PTPRD: variants seen among roughly 807,000 people sequenced by gnomAD.
The protein encoded by PTPRD is receptor-type tyrosine-protein phosphatase delta.
Under a neutral mutation model 214.5 loss-of-function variants are expected in PTPRD, and 34 were observed. That is an observed-to-expected ratio of 0.16 (90% CI 0.12 to 0.21). The LOEUF (loss-of-function observed/expected upper bound fraction) is 0.21, where lower values mean the gene tolerates loss of function less well. PTPRD is among the 10% of genes least tolerant of loss of function. PTPRD has a pLI of 1.00. For missense variants in PTPRD, 2,545 were observed against 2,398.7 expected (o/e 1.06, Z -1.27); for synonymous variants, 1,128 against 845.7 (o/e 1.33, Z -5.79).
chr9:9,055,498 TA>T (rs1185075687), intron 10 of PTPRD, among the ~76,000 whole-genome samples: 4 of 152,130 alleles, frequency 2.6e-5, no homozygotes, highest in Admixed American at 2.0e-4. Context: ...AATGTTTGAC[TA>T]AATATCCCAG....
chr9:9,223,253 G>A (rs889027683), intron 9 of PTPRD, among the ~76,000 whole-genome samples: 2 of 151,792 alleles, frequency 1.3e-5, no homozygotes, highest in African/African-American at 4.8e-5. Context: ...ATACTTGAGG[G>A]GATTGTACAG....
At chr9:9,669,903 G>A (rs957230157) in intron 7 of PTPRD, among the ~76,000 whole-genome samples, 10 of 152,056 alleles carry the variant, frequency 6.6e-5, no homozygotes, top group Admixed American at 6.6e-4. Context: ...AGCACCCAAT[G>A]ACATCAACGA....
intron 9 of PTPRD, among the ~76,000 whole-genome samples, chr9:9,328,173 G>C (rs2040781561): frequency 6.6e-6 from 1 of 152,054 alleles, no homozygotes; most frequent in African/African-American, 2.4e-5. Flanking sequence ...TAGCAAAAAA[G>C]TTGAGTTTTT....
At chr9:9,387,077 C>A (rs575156740) in intron 9 of PTPRD, among the ~76,000 whole-genome samples, 1 of 152,172 alleles carries the variant, frequency 6.6e-6, no homozygotes, top group Non-Finnish European at 1.5e-5. Flanking sequence ...TTTCCTTTGT[C>A]TTAGCCAGAA....
At chr9:8,771,473 A>G (rs2095208137) in intron 11 of PTPRD, among the ~76,000 whole-genome samples, 1 of 152,172 alleles carries the variant, frequency 6.6e-6, no homozygotes, top group South Asian at 2.1e-4. Context: ...TTCCCACCAA[A>G]AACAGGTGAC....
chr9:9,949,392 G>T (rs1238996949), intron 4 of PTPRD, among the ~76,000 whole-genome samples: 2 of 152,054 alleles, frequency 1.3e-5, no homozygotes, highest in African/African-American at 2.4e-5. Flanking sequence ...CACATTCTAT[G>T]ATGTTTTTTA....
chr9:9,305,697 C>G (rs1225388854), intron 9 of PTPRD, among the ~76,000 whole-genome samples: 1 of 151,744 alleles, frequency 6.6e-6, no homozygotes, highest in Non-Finnish European at 1.5e-5. Flanking sequence ...TGCTCTAAAT[C>G]CAGTGATTAG....
chr9:8,613,055 C>A (rs1307825947), intron 14 of PTPRD, among the ~76,000 whole-genome samples: 1 of 152,064 alleles, frequency 6.6e-6, no homozygotes, highest in Non-Finnish European at 1.5e-5. Context: ...AATAACAAAA[C>A]CCTAACATTT....
intron 3 of PTPRD, among the ~76,000 whole-genome samples, chr9:10,094,346 G>T (rs1229435074): frequency 1.3e-5 from 2 of 151,184 alleles, no homozygotes; most frequent in Non-Finnish European, 3.0e-5. Flanking sequence ...AGAAGAGAAT[G>T]TCCTTAATAT....
rs184081119 is a variant in PTPRD, at chr9:10,044,119, T to A, written c.-544-10329A>T. Among the ~76,000 whole-genome samples the A allele has an allele frequency of 2.0e-5, 3 of 151,884 alleles. No homozygotes were observed. In the East Asian group the frequency reaches 5.8e-4, roughly 29 times the overall value. ...TGTTTCTTGTTCAACACCCTGGCCA[T>A]CTACTGTTGAAGACATCTATAATTC... On this transcript the variant is annotated intron_variant, in intron 3 of 45. Coordinates refer to ENST00000381196, the MANE Select transcript of PTPRD (RefSeq NM_002839.4).
At chr9:10,543,936 TGAAGGTAGAGGAGGGCA>T (rs1372836988) in intron 2 of PTPRD, among the ~76,000 whole-genome samples, 1 of 152,130 alleles carries the variant, frequency 6.6e-6, no homozygotes, top group Non-Finnish European at 1.5e-5. Context: ...GGAGCCTGAT[TGAAGGTAGAGGAGGGCA>T]GCAATAATAT....
chr9:10,337,074 A>G (rs2096856961), intron 3 of PTPRD, among the ~76,000 whole-genome samples: 1 of 151,764 alleles, frequency 6.6e-6, no homozygotes, highest in Non-Finnish European at 1.5e-5. Flanking sequence ...TTGCTTATTT[A>G]ATTTCTAAAA....
chr9:9,653,060 T>TTTACACAAATATTTTTTAAACTGAA (rs2096406774), intron 7 of PTPRD, among the ~76,000 whole-genome samples: 1 of 151,914 alleles, frequency 6.6e-6, no homozygotes, highest in African/African-American at 2.4e-5. Context: ...AAGTGCCTCA[T>TTTACACAAATATTTTTTAAACTGAA]GGCCGGGCGC....
At chr9:8,467,929 T>A (rs1383292279) in intron 31 of PTPRD, among the ~76,000 whole-genome samples, 1 of 151,994 alleles carries the variant, frequency 6.6e-6, no homozygotes, top group Non-Finnish European at 1.5e-5. Flanking sequence ...TTTTTGAAGC[T>A]GGGTAATCAA....
At chr9:9,950,752 A>T (rs2153995653) in intron 4 of PTPRD, among the ~76,000 whole-genome samples, 1 of 33,542 alleles carries the variant, frequency 3.0e-5, no homozygotes, top group Non-Finnish European at 4.1e-5. Context: ...AAAAAAAAAA[A>T]AAAAAAAAGA....
chr9:9,172,553 C>G (rs1280658279), intron 10 of PTPRD, among the ~76,000 whole-genome samples: 1 of 152,078 alleles, frequency 6.6e-6, no homozygotes, highest in Admixed American at 6.6e-5. Flanking sequence ...TATTTGCACT[C>G]TCCTATAATT....
chr9:8,593,711 G>T (rs573319232), intron 14 of PTPRD, among the ~76,000 whole-genome samples: 2 of 152,248 alleles, frequency 1.3e-5, no homozygotes, highest in East Asian at 3.9e-4. Flanking sequence ...GATTTTCAAT[G>T]AAAGAGCTGT....
chr9:9,864,416 T>G (rs2063491751), intron 5 of PTPRD, among the ~76,000 whole-genome samples: 1 of 151,982 alleles, frequency 6.6e-6, no homozygotes, highest in African/African-American at 2.4e-5. Context: ...AGGAAATACA[T>G]GGGGTGTGTG....
chr9:9,011,600 C>G (rs2099512063), intron 11 of PTPRD, among the ~76,000 whole-genome samples: 1 of 152,078 alleles, frequency 6.6e-6, no homozygotes, highest in South Asian at 2.1e-4. Flanking sequence ...ATCCCTATTC[C>G]CTGAAGATTC....
Sources: allele counts gnomAD v4.1 joint callset (sites outside exome capture counted in the v4.1 genomes callset), GRCh38; gene constraint gnomAD v4.1.1; transcripts MANE v1.5; gene names NCBI Gene and HGNC (gene_info 2026-07-23, HGNC 2026-07-21).